SNED1: variants seen among roughly 807,000 people sequenced by gnomAD.
The protein encoded by SNED1 is sushi, nidogen and EGF-like domain-containing protein 1.
In SNED1, 81 loss-of-function variants were observed where a neutral mutation model predicts 166.7. The ratio of observed to expected loss-of-function variants is 0.49; its 90% CI spans 0.41 to 0.58. The LOEUF (loss-of-function observed/expected upper bound fraction) is 0.58, where lower values mean the gene tolerates loss of function less well. Among genes scored for constraint, SNED1 ranks in the 20% least tolerant of loss-of-function variants. SNED1 has a pLI of 0.00. For missense variants in SNED1, 1,604 were observed against 2,000.2 expected (o/e 0.80, Z 3.78); for synonymous variants, 762 against 822.0 (o/e 0.93, Z 1.25).
intron 9 of SNED1, 59 bp downstream of exon 9, chr2:241,048,499 C>G: frequency 6.5e-7 from 1 of 1,544,046 alleles, no homozygotes; most frequent in Non-Finnish European, 8.7e-7. Context: ...CCAGGGAGGG[C>G]CTTCCTGTGG....
chr2:241,053,176 G>C lies in SNED1; in HGVS notation c.2107G>C (p.Glu703Gln). The change falls in exon 16 of 32, where the codon GAG (glutamate) becomes CAG (glutamine). Residue 703 changes from glutamate to glutamine, a missense_variant. Glu to Gln is a conservative substitution (Grantham distance 29). Around this residue, in one of 2 missense-constraint regions of SNED1, gnomAD observed 1,237 missense variants for 1,620.8 expected, o/e 0.76. Coordinates refer to ENST00000310397, the MANE Select transcript of SNED1 (RefSeq NM_001080437.3). ...AGAGGTGGACTGCGGCCCCCCGGAG[G>C]AGGTGAAGCACGCCACACTGCGCTT... ...QAEVDCGPPE[E>Q]VKHATLRFNG... is the part of the protein sequence containing the mutation. 6.2e-7 allele frequency: 1 copy of C among 1,611,036 alleles called. No individual in the cohort carries two copies.
At chr2:241,012,523 A>G (rs969266195) in intron 1 of SNED1, among the ~76,000 whole-genome samples, 5 of 152,150 alleles carry the variant, frequency 3.3e-5, no homozygotes, top group Non-Finnish European at 7.3e-5. Context: ...CTGTTACTTC[A>G]TCATCACCTC....
intron 6 of SNED1, among the ~76,000 whole-genome samples, chr2:241,039,426 A>AG (rs1491434472): frequency 1.3e-5 from 2 of 152,272 alleles, no homozygotes; most frequent in East Asian, 3.9e-4. Context: ...TCAGTAAGAC[A>AG]GGGGATGTGG....
At chr2:241,001,973 G>A (rs1407361250) in intron 1 of SNED1, among the ~76,000 whole-genome samples, 5 of 152,144 alleles carry the variant, frequency 3.3e-5, no homozygotes, top group Non-Finnish European at 4.4e-5. Flanking sequence ...CTGAGGCTTC[G>A]TGCCACACCG....
chr2:240,997,747 C>T (rs9288725), upstream of SNED1, among the ~76,000 whole-genome samples: 34,361 of 152,042 alleles, frequency 0.23, 5,296 homozygotes, highest in African/African-American at 0.42. Flanking sequence ...GCAGCCAACA[C>T]CACCCAACAC....
At chr2:241,017,888 C>T (rs1418361437) in intron 1 of SNED1, among the ~76,000 whole-genome samples, 1 of 152,198 alleles carries the variant, frequency 6.6e-6, no homozygotes, top group Non-Finnish European at 1.5e-5. Flanking sequence ...AGTTTGACTG[C>T]CCTGTTGACG....
intron 16 of SNED1, 132 bp from the exon 17 acceptor site, chr2:241,062,659 T>C (rs1006613538): frequency 1.4e-6 from 1 of 714,162 alleles, no homozygotes; most frequent in Non-Finnish European, 2.5e-6. Context: ...TATCCAGCCC[T>C]GGTCTCTGGC....
intron 9 of SNED1, 71 bp from the exon 10 acceptor site, chr2:241,048,591 G>A (rs2125085250): frequency 2.0e-6 from 3 of 1,512,116 alleles, no homozygotes; most frequent in African/African-American, 1.4e-5. Flanking sequence ...CAGGAGCAGG[G>A]CAGGGTCTGG....
chr2:241,001,523 A>G (rs1007272813), intron 1 of SNED1, among the ~76,000 whole-genome samples: 1 of 152,200 alleles, frequency 6.6e-6, no homozygotes, highest in African/African-American at 2.4e-5. Context: ...TTCTACACAC[A>G]GACAAAGATA....
At position 241,051,403 on chromosome 2, in the gene SNED1, G is replaced by C. The variant is rs2061836220; in HGVS notation, c.1736-341G>C. The C allele has an allele frequency of 4.0e-6, 1 of 247,232 alleles. No homozygotes were observed. The highest frequency in any genetic ancestry group is 2.2e-5 in the African/African-American group (1 of 44,876). 15.3% of individuals were successfully genotyped at this position (247,232 alleles called of 1,614,324 possible). ...GACTCAGCTGCTTCCTGTCAGATGGGGAATGCCCGTGTGCAGGAGGGAGGG... is the reference window on the plus strand; with the variant it reads ...GACTCAGCTGCTTCCTGTCAGATGGCGAATGCCCGTGTGCAGGAGGGAGGG... On this transcript the variant is annotated intron_variant, in intron 12 of 31. Coordinates refer to ENST00000310397, the MANE Select transcript of SNED1 (RefSeq NM_001080437.3). The surrounding 1 kb of genome is among the most constrained non-coding windows in gnomAD (Gnocchi z 4.7).
rs1306595220 is a variant in SNED1, at chr2:241,018,124, G to A, written c.214-12160G>A. Reference sequence around the variant, plus strand: ...ACGCAACCCGAGTAGCTCTGTCTGAGAACCGCCATTCGCCTTGCCGTGGTC... The same window carrying A: ...ACGCAACCCGAGTAGCTCTGTCTGAAAACCGCCATTCGCCTTGCCGTGGTC... On this transcript the variant is annotated intron_variant, in intron 1 of 31. Transcript: ENST00000310397. The surrounding 1 kb of genome is among the most constrained non-coding windows in gnomAD (Gnocchi z 5.4). 6.6e-6 allele frequency among the ~76,000 whole-genome samples: 1 copy of A among 152,208 alleles called. No individual in the cohort carries two copies. The highest frequency in any genetic ancestry group is 1.5e-5 in the Non-Finnish European group (1 of 68,038).
At chr2:241,089,503 C>G (rs544942307) in intron 31 of SNED1, 16 of 1,423,444 alleles carry the variant, frequency 1.1e-5, no homozygotes, top group Admixed American at 5.0e-5. Context: ...GGCCGGAGCT[C>G]CGCACATGGC....
At chr2:241,002,283 T>C (rs2060098926) in intron 1 of SNED1, among the ~76,000 whole-genome samples, 1 of 152,126 alleles carries the variant, frequency 6.6e-6, no homozygotes, top group African/African-American at 2.4e-5. Context: ...GACCGAGGCC[T>C]GCGCATGAGT....
Position 241,068,434 on chromosome 2 carries a change from C to T in SNED1, c.3195-477C>T, listed in dbSNP as rs2062556074. Among the ~76,000 whole-genome samples the T allele has an allele frequency of 6.6e-6, 1 of 151,918 alleles. No individual in the cohort carries two copies. On this transcript the variant is annotated intron_variant, in intron 22 of 31. Coordinates refer to ENST00000310397, the MANE Select transcript of SNED1 (RefSeq NM_001080437.3). The surrounding 1 kb of genome is among the most constrained non-coding windows in gnomAD (Gnocchi z 5.3). ...TGGTCGCCAACCAAAGAGAAAGCTT[C>T]CGAATCGTGCTCAGCGCAGGCAGGG... is the stretch of plus-strand genomic sequence containing the variant.
Position 241,071,727 on chromosome 2 carries a change from G to C in SNED1, c.3734+7G>C. ...CCCCCACCCAGCCCCCCAGGTACATGCCCCACCCATCGGCCCCATCGCCCG... is the reference window on the plus strand; with the variant it reads ...CCCCCACCCAGCCCCCCAGGTACATCCCCCACCCATCGGCCCCATCGCCCG... On this transcript the variant is annotated splice_region_variant and intron_variant, in intron 25 of 31. Transcript: ENST00000310397. 1 of 1,153,890 alleles carries C rather than the reference G, an allele frequency of 8.7e-7. No homozygotes were observed. The highest frequency in any genetic ancestry group is 1.2e-6 in the Non-Finnish European group (1 of 828,170). 71.5% of individuals were successfully genotyped at this position (1,153,890 alleles called of 1,614,324 possible).
chr2:241,085,665 G>A (rs1421752286), intron 29 of SNED1, among the ~76,000 whole-genome samples: 1 of 151,912 alleles, frequency 6.6e-6, no homozygotes, highest in Non-Finnish European at 1.5e-5. Flanking sequence ...ATTGGATGCT[G>A]GGCATTGTAA....
chr2:240,998,885 G>C lies in SNED1; in HGVS notation c.48G>C (p.Gly16=). 1 of 1,223,520 alleles carries C rather than the reference G, an allele frequency of 8.2e-7. No individual in the cohort carries two copies. Among genetic ancestry groups the C allele is most frequent in the Non-Finnish European group, 1.0e-6 (1 of 982,958 alleles). 75.8% of individuals were successfully genotyped at this position (1,223,520 alleles called of 1,614,324 possible). A position where few individuals can be genotyped will look rare whatever the true frequency, so the allele number is the denominator to read the frequency against. Residue 16 remains glycine, a synonymous_variant, in exon 1 of 32, where the codon GGG becomes GGC. Transcript: ENST00000310397. Reference sequence around the variant, plus strand: ...CGCTGCTGGTGGCCGCGGCCCTGGGGCTTGGGGCGCGCGGGGTGCGCGGCG... The same window carrying C: ...CGCTGCTGGTGGCCGCGGCCCTGGGCCTTGGGGCGCGCGGGGTGCGCGGCG... ...AWALLVAAAL[G]LGARGVRGAV...
chr2:241,090,512 G>C (rs1400735587), intron 31 of SNED1: 1 of 1,474,706 alleles, frequency 6.8e-7, no homozygotes, highest in Non-Finnish European at 9.0e-7. Flanking sequence ...TTATCATCAA[G>C]TATTATGTAC....
rs1011125069 is a variant in SNED1, at chr2:241,093,615, G to A, written c.*1979G>A. 2.0e-5 allele frequency: 3 copies of A among 151,592 alleles called. No homozygotes were observed. The highest frequency in any genetic ancestry group is 4.4e-5 in the Non-Finnish European group (3 of 67,998). 9.4% of individuals were successfully genotyped at this position (151,592 alleles called of 1,614,324 possible). The stretch of plus-strand genomic sequence containing the variant: ...ACACAGCAAATGCTAATATGCTCCA[G>A]TGTTAGCTTAGAAGCCTTGTGTCAA... On this transcript the variant is annotated 3_prime_UTR_variant, in exon 32 of 32. Coordinates refer to ENST00000310397, the MANE Select transcript of SNED1 (RefSeq NM_001080437.3).
Sources: gnomAD v4.1 joint callset for allele counts (sites outside exome capture counted in the v4.1 genomes callset) on GRCh38, gnomAD v4.1.1 for gene constraint, gnomAD v4.1.1 regional missense constraint, Gnocchi (gnomAD v3.1) non-coding constraint, MANE v1.5 for transcripts, NCBI Gene and HGNC (gene_info 2026-07-23, HGNC 2026-07-21) for gene names.